CMC2: variants seen among roughly 807,000 people sequenced by gnomAD.
CMC2 encodes COX assembly mitochondrial protein 2 homolog.
CMC2 carries 5 observed loss-of-function variants against 7.5 expected under a neutral mutation model. That is an observed-to-expected ratio of 0.66 (90% CI 0.35 to 1.40). CMC2 has a LOEUF of 1.40. CMC2 is among the 40% of genes most tolerant of loss of function. The probability of loss-of-function intolerance (pLI) is 0.04; values close to 1 mark genes in which losing one functional copy is unlikely to be tolerated. For missense variants in CMC2, 115 were observed against 92.3 expected (o/e 1.25, Z -1.01); for synonymous variants, 37 against 31.4 (o/e 1.18, Z -0.60).
At chr16:80,989,400 T>C (rs949838656) in intron 2 of CMC2, among the ~76,000 whole-genome samples, 1 of 152,216 alleles carries the variant, frequency 6.6e-6, no homozygotes, top group South Asian at 2.1e-4. Context: ...GATTATATTA[T>C]TTTCATTACT....
chr16:80,982,647 C>T (rs1967214396), intron 2 of CMC2: 1 of 151,266 alleles, frequency 6.6e-6, no homozygotes, highest in Non-Finnish European at 1.5e-5. Context: ...TAGCATCATT[C>T]AAATTTGAGA....
chr16:80,984,250 G>C (rs942853477), intron 2 of CMC2, among the ~76,000 whole-genome samples: 1 of 152,198 alleles, frequency 6.6e-6, no homozygotes, highest in African/African-American at 2.4e-5. Flanking sequence ...CGATTTTCAA[G>C]GGTGGGTCAG....
chr16:80,975,953 A>G lies in CMC2; in HGVS notation c.*140T>C, dbSNP rs1309828041. Reference sequence around the variant, plus strand: ...CAAATACTCAGAATCCAGGGTTTTCATATTTCTCCATGGTTCAATCTCTCA... The same window carrying G: ...CAAATACTCAGAATCCAGGGTTTTCGTATTTCTCCATGGTTCAATCTCTCA... On this transcript the variant is annotated 3_prime_UTR_variant, in exon 4 of 4. Transcript: ENST00000219400. 1.1e-5 allele frequency: 7 copies of G among 628,050 alleles called. 1 individual carries two copies. Among genetic ancestry groups the G allele is most frequent in the South Asian group, 1.8e-5 (1 of 54,544 alleles). The allele number at this position is 628,050 out of a possible 1,614,324, so 38.9% of individuals were successfully genotyped here.
rs1911640798 is a variant in CMC2 at position 80,967,548 on chromosome 16, C to G, written c.*8545G>C. 1 of 152,216 alleles carries G rather than the reference C, an allele frequency of 6.6e-6. No homozygotes were observed. Among genetic ancestry groups the G allele is most frequent in the South Asian group, 2.1e-4 (1 of 4,828 alleles). 9.4% of individuals were successfully genotyped at this position (152,216 alleles called of 1,614,324 possible). A position where few individuals can be genotyped will look rare whatever the true frequency, so the allele number is the denominator to read the frequency against. On this transcript the variant is annotated 3_prime_UTR_variant, in exon 4 of 4. Transcript: ENST00000219400. ...TAGAGACGGGGTTTCACCGTGTTAGCCAGGATGGTCTCGATCTCCTGACCT... is the reference window on the plus strand; with the variant it reads ...TAGAGACGGGGTTTCACCGTGTTAGGCAGGATGGTCTCGATCTCCTGACCT...
At chr16:80,981,712 T>A in intron 3 of CMC2, 94 bp downstream of exon 3, 1 of 760,422 alleles carries the variant, frequency 1.3e-6, no homozygotes, top group Non-Finnish European at 2.1e-6. Context: ...TACACTAAAA[T>A]GTGGGAAAAA....
rs1213329024 is a variant in CMC2 at position 80,967,143 on chromosome 16, C to T, written c.*8950G>A. The T allele has an allele frequency of 2.0e-5, 3 of 152,168 alleles. No homozygotes were observed. Among genetic ancestry groups the T allele is most frequent in the African/African-American group, 7.2e-5 (3 of 41,434 alleles). 9.4% of individuals were successfully genotyped at this position (152,168 alleles called of 1,614,324 possible). ...TGCAGATACAGGAATAATGTGGTGT[C>T]TGCCCAGAGAGGTGTCAGCCCAGAG... is the stretch of plus-strand genomic sequence containing the variant. On this transcript the variant is annotated 3_prime_UTR_variant, in exon 4 of 4. Transcript: ENST00000219400.
intron 3 of CMC2, chr16:80,980,815 A>C (rs1309591354): frequency 1.4e-6 from 1 of 700,102 alleles, no homozygotes; most frequent in Admixed American, 2.0e-5. Flanking sequence ...GGATCACTTG[A>C]GTTTGAGGCT....
At chr16:80,991,538 G>C (rs763225050) in intron 2 of CMC2, among the ~76,000 whole-genome samples, 3 of 152,046 alleles carry the variant, frequency 2.0e-5, no homozygotes, top group Non-Finnish European at 2.9e-5. Context: ...CTACTCGGGA[G>C]GGTGAGATGA....
At chr16:80,998,297 T>C (rs1968589427) in intron 1 of CMC2, 1 of 152,088 alleles carries the variant, frequency 6.6e-6, no homozygotes, top group African/African-American at 2.4e-5. Context: ...GCTTTAATTT[T>C]TTTTAAAGTT....
rs1912271655 is a variant in CMC2 at position 80,975,982 on chromosome 16, G to A, written c.*111C>T. 1 of 688,204 alleles carries A rather than the reference G, an allele frequency of 1.5e-6. No homozygotes were observed. Among genetic ancestry groups the A allele is most frequent in the Non-Finnish European group, 2.6e-6 (1 of 386,682 alleles). 42.6% of individuals were successfully genotyped at this position (688,204 alleles called of 1,614,324 possible). On this transcript the variant is annotated 3_prime_UTR_variant, in exon 4 of 4. Transcript: ENST00000219400. Reference sequence around the variant, plus strand: ...TTCTCCATGGTTCAATCTCTCACAGGTCACTTTCCATTCAAAGGATTATGG... The same window carrying A: ...TTCTCCATGGTTCAATCTCTCACAGATCACTTTCCATTCAAAGGATTATGG...
chr16:80,976,675 C>A (rs1912401818), intron 3 of CMC2, among the ~76,000 whole-genome samples: 1 of 152,150 alleles, frequency 6.6e-6, no homozygotes, highest in Admixed American at 6.6e-5. Context: ...CCTGTAAACT[C>A]CTTGAGAGGT....
At chr16:81,002,768 T>G (rs575288560) in intron 1 of CMC2, among the ~76,000 whole-genome samples, 18 of 152,376 alleles carry the variant, frequency 1.2e-4, no homozygotes, top group Non-Finnish European at 1.5e-4. Context: ...TCTTCCCTTC[T>G]AATTCACATT....
intron 1 of CMC2, among the ~76,000 whole-genome samples, chr16:81,000,370 C>T (rs1165183859): frequency 1.3e-5 from 2 of 152,072 alleles, no homozygotes; most frequent in African/African-American, 4.8e-5. Context: ...GTGGCGGGCG[C>T]CTGTAGTCCC....
chr16:80,980,931 G>T, intron 3 of CMC2: 1 of 646,334 alleles, frequency 1.5e-6, no homozygotes, highest in Non-Finnish European at 2.8e-6. Context: ...TCTTCACTGA[G>T]TACTCCAAAA....
At chr16:80,986,080 G>A (rs1250639549) in intron 2 of CMC2, among the ~76,000 whole-genome samples, 2 of 152,172 alleles carry the variant, frequency 1.3e-5, no homozygotes, top group Non-Finnish European at 2.9e-5. Context: ...AGGTGCGGTG[G>A]CTCATGCCTG....
intron 2 of CMC2, among the ~76,000 whole-genome samples, chr16:80,996,184 T>C (rs903938869): frequency 4.6e-5 from 7 of 152,222 alleles, no homozygotes; most frequent in Non-Finnish European, 8.8e-5. Flanking sequence ...CTTATTTATG[T>C]CTAGTATTAC....
chr16:80,988,211 C>CAA (rs1567517819), intron 2 of CMC2, among the ~76,000 whole-genome samples: 3 of 151,604 alleles, frequency 2.0e-5, no homozygotes, highest in Non-Finnish European at 4.4e-5. Flanking sequence ...CTTTTCCCCC[C>CAA]CAGATATAGA....
chr16:80,978,146 T>C (rs1302750111), intron 3 of CMC2: 1 of 387,176 alleles, frequency 2.6e-6, no homozygotes, highest in African/African-American at 2.2e-5. Flanking sequence ...CTATCATACA[T>C]TAAATTTACT....
intron 2 of CMC2, among the ~76,000 whole-genome samples, chr16:80,987,930 C>T (rs1967664759): frequency 6.6e-6 from 1 of 151,962 alleles, no homozygotes; most frequent in Admixed American, 6.6e-5. Context: ...AATCCCAGCA[C>T]TTTGGGAGGC....
Sources: gnomAD v4.1 joint callset for allele counts (sites outside exome capture counted in the v4.1 genomes callset) on GRCh38, gnomAD v4.1.1 for gene constraint, MANE v1.5 for transcripts, NCBI Gene and HGNC (gene_info 2026-07-23, HGNC 2026-07-21) for gene names.